Variants in STK38L observed in about 807,000 individuals in gnomAD.
The protein encoded by STK38L is serine/threonine kinase 38 like.
In STK38L, 28 loss-of-function variants were observed where a neutral mutation model predicts 59.7. The observed-to-expected ratio is 0.47, with a 90% CI of 0.35 to 0.64. STK38L has a LOEUF of 0.64. Among genes scored for constraint, STK38L ranks in the 30% least tolerant of loss-of-function variants. The probability of loss-of-function intolerance (pLI) is 0.01; values close to 1 mark genes in which losing one functional copy is unlikely to be tolerated. For synonymous variants in STK38L, 162 were observed against 176.8 expected, an observed-to-expected ratio of 0.92 and a Z score of 0.66; for missense variants, 314 against 555.8, an observed-to-expected ratio of 0.56 and a Z score of 4.37.
At chr12:27,244,621 C>T (rs1942809860) in intron 1 of STK38L, among the ~76,000 whole-genome samples, 1 of 152,214 alleles carries the variant, frequency 6.6e-6, no homozygotes, top group Non-Finnish European at 1.5e-5. Context: ...GAGCACTCCG[C>T]TCCGGGTCCC....
chr12:27,301,770 A>G (rs538182679), intron 2 of STK38L, among the ~76,000 whole-genome samples: 1 of 152,338 alleles, frequency 6.6e-6, no homozygotes, highest in African/African-American at 2.4e-5. Context: ...ACTTTTAGTC[A>G]GTATAGTTAT....
At chr12:27,244,752 A>G (rs537698816) in intron 1 of STK38L, among the ~76,000 whole-genome samples, 77 of 152,182 alleles carry the variant, frequency 5.1e-4, no homozygotes, top group Non-Finnish European at 7.6e-4. Context: ...TGGCTCTTCA[A>G]TTGTGGGGGC....
intron 1 of STK38L, among the ~76,000 whole-genome samples, chr12:27,290,684 G>C (rs1443618223): frequency 6.6e-6 from 1 of 152,130 alleles, no homozygotes; most frequent in African/African-American, 2.4e-5. Flanking sequence ...ATAAAATGTG[G>C]GTAATAAAAA....
chr12:27,308,231 A>G lies in STK38L; in HGVS notation c.187-108A>G, dbSNP rs1944362849. Reference sequence around the variant, plus strand: ...TTGTTTTAGCCTAATAGTATATTACATATTAGTGCTATCATTTATTTTTAC... The same window carrying G: ...TTGTTTTAGCCTAATAGTATATTACGTATTAGTGCTATCATTTATTTTTAC... On this transcript the variant is annotated intron_variant, in intron 3 of 13. Transcript: ENST00000389032. The surrounding 1 kb of genome is among the most constrained non-coding windows in gnomAD (Gnocchi z 4.5). The G allele has an allele frequency of 9.3e-7, 1 of 1,074,392 alleles. No individual in the cohort carries two copies. Among genetic ancestry groups the G allele is most frequent in the South Asian group, 1.9e-5 (1 of 51,328 alleles). 66.6% of individuals were successfully genotyped at this position (1,074,392 alleles called of 1,614,324 possible). A position where few individuals can be genotyped will look rare whatever the true frequency, so the allele number is the denominator to read the frequency against.
In STK38L at chr12:27,316,411, AC is replaced by A. The variant is rs370072514; in HGVS notation, c.838-924del. Reference sequence around the variant, plus strand: ...GGGGGAATTCTGTACCCCCCTATTTACAAAATATTCATGGGTGATTACTCAG... The same window carrying A: ...GGGGGAATTCTGTACCCCCCTATTTAAAAATATTCATGGGTGATTACTCAG... On this transcript the variant is annotated intron_variant, in intron 9 of 13. Coordinates refer to ENST00000389032, the MANE Select transcript of STK38L (RefSeq NM_015000.4). Among the ~76,000 whole-genome samples, 122 of 152,332 alleles carry A rather than the reference AC, an allele frequency of 8.0e-4. 2 individuals are homozygous for A. The South Asian group carries it at 0.023, about 28-fold the overall frequency.
intron 1 of STK38L, among the ~76,000 whole-genome samples, chr12:27,248,847 T>C (rs1942913051): frequency 6.6e-6 from 1 of 152,210 alleles, no homozygotes; most frequent in African/African-American, 2.4e-5. Context: ...GCAAAACAAA[T>C]TTTAAAAAGT....
chr12:27,250,184 G>T (rs1259597322), intron 1 of STK38L, among the ~76,000 whole-genome samples: 2 of 152,112 alleles, frequency 1.3e-5, no homozygotes, highest in African/African-American at 4.8e-5. Flanking sequence ...CTACTTTTCA[G>T]GGGGCCAAGT....
intron 3 of STK38L, among the ~76,000 whole-genome samples, chr12:27,306,023 A>C (rs192916187): frequency 1.8e-4 from 28 of 152,314 alleles, no homozygotes; most frequent in Non-Finnish European, 3.8e-4. Flanking sequence ...TCTGGACTGC[A>C]ACACTGATTC....
At position 27,324,072 on chromosome 12, in the gene STK38L, T is replaced by C. The variant is rs1285092981; in HGVS notation, c.*1617T>C. ...GCAAATCTACACAAGCTTTTATAAA[T>C]GTTGCTGCTGGGTAGCTCCACAGTG... On this transcript the variant is annotated 3_prime_UTR_variant, in exon 14 of 14. Transcript: ENST00000389032. 1.3e-5 allele frequency: 2 copies of C among 152,136 alleles called. No individual in the cohort carries two copies. The highest frequency in any genetic ancestry group is 4.8e-5 in the African/African-American group (2 of 41,450). The allele number at this position is 152,136 out of a possible 1,614,324, so 9.4% of individuals were successfully genotyped here.
intron 3 of STK38L, 25 bp downstream of exon 3, chr12:27,302,213 G>A (rs753078258): frequency 6.5e-7 from 1 of 1,548,056 alleles, no homozygotes; most frequent in Admixed American, 1.9e-5. Flanking sequence ...TATAATTACT[G>A]TACAAAAGCA....
At chr12:27,298,449 A>G (rs1944083354) in intron 2 of STK38L, 1 of 152,342 alleles carries the variant, frequency 6.6e-6, no homozygotes, top group Non-Finnish European at 1.5e-5. Flanking sequence ...CTCAAAAAAA[A>G]AGATGCTTTA....
intron 2 of STK38L, 21 bp from the exon 3 acceptor site, chr12:27,302,116 A>G: frequency 6.3e-7 from 1 of 1,575,886 alleles, no homozygotes; most frequent in Non-Finnish European, 8.7e-7. Flanking sequence ...TTAAAATTTA[A>G]TTTTTTTTTC....
intron 1 of STK38L, chr12:27,245,867 A>G (rs1038047496): frequency 6.6e-6 from 1 of 152,200 alleles, no homozygotes; most frequent in African/African-American, 2.4e-5. Context: ...CCTTGTTAAG[A>G]TGGCTGATAA....
intron 1 of STK38L, among the ~76,000 whole-genome samples, chr12:27,273,970 T>C (rs1943477822): frequency 6.6e-6 from 1 of 152,114 alleles, no homozygotes; most frequent in African/African-American, 2.4e-5. Context: ...AATGCCCTTT[T>C]TGGGCCGGGT....
intron 2 of STK38L, 105 bp downstream of exon 2, chr12:27,297,959 T>G: frequency 4.4e-6 from 6 of 1,358,994 alleles, no homozygotes; most frequent in Non-Finnish European, 6.0e-6. Context: ...TATGGATCCC[T>G]GCATGCTGTT....
At chr12:27,269,259 A>T (rs1176738167) in intron 1 of STK38L, among the ~76,000 whole-genome samples, 2 of 152,170 alleles carry the variant, frequency 1.3e-5, no homozygotes, top group African/African-American at 4.8e-5. Flanking sequence ...TTTAGGTCTA[A>T]CATGTAAGTC....
chr12:27,313,267 T>C (rs145849535), intron 6 of STK38L, among the ~76,000 whole-genome samples: 1 of 100,706 alleles, frequency 9.9e-6, no homozygotes, highest in African/African-American at 3.3e-5. Context: ...AAAAAAAAAA[T>C]ACCTGAGACT....
chr12:27,280,277 T>A (rs1223639330), intron 1 of STK38L, among the ~76,000 whole-genome samples: 1 of 152,218 alleles, frequency 6.6e-6, no homozygotes, highest in Non-Finnish European at 1.5e-5. Flanking sequence ...CTTTTGATTA[T>A]GCAATGAAAG....
rs149101676 is a variant in STK38L at position 27,254,330 on chromosome 12, A to G, written c.-12+9998A>G. On this transcript the variant is annotated intron_variant, in intron 1 of 13. Coordinates refer to ENST00000389032, the MANE Select transcript of STK38L (RefSeq NM_015000.4). Reference sequence around the variant, plus strand: ...TCTCCTCTCTACTCTAAGCCTTATTATTTTTTAAAAATAACACAGTTTAAT... The same window carrying G: ...TCTCCTCTCTACTCTAAGCCTTATTGTTTTTTAAAAATAACACAGTTTAAT... 5.6e-3 allele frequency among the ~76,000 whole-genome samples: 853 copies of G among 152,232 alleles called. 9 individuals are homozygous for G. The highest frequency in any genetic ancestry group is 0.019 in the African/African-American group (805 of 41,542).
Sources: gnomAD v4.1 joint callset for allele counts (sites outside exome capture counted in the v4.1 genomes callset) on GRCh38, gnomAD v4.1.1 for gene constraint, Gnocchi (gnomAD v3.1) non-coding constraint, MANE v1.5 for transcripts, NCBI Gene and HGNC (gene_info 2026-07-23, HGNC 2026-07-21) for gene names.